Variants in GRHPR observed in about 807,000 individuals in gnomAD.
The protein encoded by GRHPR is glyoxylate reductase/hydroxypyruvate reductase.
A neutral mutation model predicts 36.8 loss-of-function variants in GRHPR; 35 were observed. That is an observed-to-expected ratio of 0.95 (90% CI 0.73 to 1.26). The LOEUF (loss-of-function observed/expected upper bound fraction) is 1.26. Ranked by LOEUF, GRHPR falls within the 50% of genes most tolerant of loss-of-function variation. GRHPR has a pLI of 0.00. For missense variants in GRHPR, 380 were observed against 435.0 expected (o/e 0.87, Z 1.12); for synonymous variants, 179 against 181.0 (o/e 0.99, Z 0.09).
At chr9:37,429,024 TC>T (rs1823224994) in intron 5 of GRHPR, 2 of 322,518 alleles carry the variant, frequency 6.2e-6, no homozygotes, top group African/African-American at 4.3e-5. Flanking sequence ...ACACTTTTCT[TC>T]CAGTGGCCCT....
Position 37,436,913 on chromosome 9 carries a change from A to G in GRHPR, c.*131A>G. ...TCTCTGAGGAAAGAGTGATTCTGAT[A>G]TATGTACTTGTCACATTGGTGTTGG... On this transcript the variant is annotated 3_prime_UTR_variant, in exon 9 of 9. Transcript: ENST00000318158. 9 of 983,936 alleles carry G rather than the reference A, an allele frequency of 9.1e-6. No homozygotes were observed. Among genetic ancestry groups the G allele is most frequent in the Non-Finnish European group, 1.5e-5 (9 of 615,112 alleles). 61.0% of individuals were successfully genotyped at this position (983,936 alleles called of 1,614,324 possible).
At chr9:37,437,582 C>T (rs565661394), downstream of GRHPR, among the ~76,000 whole-genome samples, 4 of 152,216 alleles carry the variant, frequency 2.6e-5, 1 homozygote, top group East Asian at 5.8e-4. Context: ...TTGGTCAGAA[C>T]GATTAGAGGT....
At chr9:37,436,407 G>A (rs373002221) in intron 8 of GRHPR, among the ~76,000 whole-genome samples, 1 of 152,302 alleles carries the variant, frequency 6.6e-6, no homozygotes, top group African/African-American at 2.4e-5. Context: ...ACTGCGCCCA[G>A]CCCTAGAATA....
chr9:37,432,291 AC>A, intron 8 of GRHPR, 153 bp downstream of exon 8: 3 of 715,776 alleles, frequency 4.2e-6, no homozygotes, highest in Non-Finnish European at 7.6e-6. Context: ...GTTGTCAGTG[AC>A]ATGGGTGTAT....
In GRHPR at chr9:37,435,303, C is replaced by A. The variant is rs568590308; in HGVS notation, c.866-1358C>A. On this transcript the variant is annotated intron_variant, in intron 8 of 8. Coordinates refer to ENST00000318158, the MANE Select transcript of GRHPR (RefSeq NM_012203.2). ...ATAGTCAGATGCAAATTTCTCCAAACCTATCCTGACCTTGAGTATGTAAAG... is the reference window on the plus strand; with the variant it reads ...ATAGTCAGATGCAAATTTCTCCAAAACTATCCTGACCTTGAGTATGTAAAG... 5.3e-5 allele frequency among the ~76,000 whole-genome samples: 8 copies of A among 152,240 alleles called. No homozygotes were observed. The East Asian group carries it at 1.5e-3, about 29-fold the overall frequency.
intron 8 of GRHPR, chr9:37,435,022 C>CG (rs529286388): frequency 7.9e-4 from 120 of 152,316 alleles, no homozygotes; most frequent in African/African-American, 2.8e-3. Context: ...GAGGCCAAGG[C>CG]GGGAGGATCA....
At chr9:37,423,132 GC>G (rs1822915772) in intron 1 of GRHPR, among the ~76,000 whole-genome samples, 1 of 151,972 alleles carries the variant, frequency 6.6e-6, no homozygotes, top group Non-Finnish European at 1.5e-5. Context: ...TTGGCAGGGG[GC>G]TTTGATGACT....
intron 8 of GRHPR, chr9:37,432,490 C>T (rs575240930): frequency 6.5e-5 from 21 of 322,002 alleles, no homozygotes; most frequent in Admixed American, 2.0e-4. Context: ...CCAACCTGGC[C>T]GATATGGTGA....
In GRHPR at chr9:37,428,530, C is replaced by A; in HGVS notation, c.451C>A (p.Leu151Ile). The A allele has an allele frequency of 6.2e-7, 1 of 1,612,436 alleles. No homozygotes were observed. Among genetic ancestry groups the A allele is most frequent in the Non-Finnish European group, 8.5e-7 (1 of 1,179,500 alleles). The change falls in exon 5 of 9, where the codon CTC (leucine) becomes ATC (isoleucine). Residue 151 changes from leucine (L) to isoleucine (I), a missense_variant. Leu to Ile is a conservative substitution (Grantham distance 5). Coordinates refer to ENST00000318158, the MANE Select transcript of GRHPR (RefSeq NM_012203.2). ...WKPLWLCGYG[L>I]TQSTVGIIGL... ...GCCCCTCTGGCTGTGTGGCTATGGA[C>A]TCACGCAGAGCACTGTCGGCATCAT...
chr9:37,438,545 G>A (rs1823774389), downstream of GRHPR: 1 of 152,250 alleles, frequency 6.6e-6, no homozygotes, highest in Non-Finnish European at 1.5e-5. Context: ...CTTCAGCAGA[G>A]GTAAGCGGGC....
chr9:37,439,158 T>C (rs963267200), downstream of GRHPR: 2 of 152,252 alleles, frequency 1.3e-5, no homozygotes, highest in African/African-American at 4.8e-5. Flanking sequence ...TAACCTGTGC[T>C]GTTCCCCTGG....
Position 37,434,276 on chromosome 9 carries a change from T to TG in GRHPR, c.865+2144dup, listed in dbSNP as rs547802606. 3.1e-3 allele frequency: 1,380 copies of TG among 440,306 alleles called. 16 individuals carry two copies. The highest frequency in any genetic ancestry group is 1.4e-3 in the Non-Finnish European group (347 of 248,720). 27.3% of individuals were successfully genotyped at this position (440,306 alleles called of 1,614,324 possible). A position where few individuals can be genotyped will look rare whatever the true frequency, so the allele number is the denominator to read the frequency against. ...CAGCTGATGACCCCAGTGATCCCTATGGGGGGAGCACGGATTGAGGCTGCC... is the reference window on the plus strand; with the variant it reads ...CAGCTGATGACCCCAGTGATCCCTATGGGGGGGAGCACGGATTGAGGCTGCC... On this transcript the variant is annotated intron_variant, in intron 8 of 8. Transcript: ENST00000318158.
At chr9:37,428,331 G>A (rs1823182050) in intron 4 of GRHPR, 153 bp from the exon 5 acceptor site, 1 of 606,722 alleles carries the variant, frequency 1.6e-6, no homozygotes, top group African/African-American at 1.8e-5. Context: ...CTGCTCATCT[G>A]CAGTGCCGAG....
chr9:37,434,631 C>A (rs955448898), intron 8 of GRHPR: 3 of 178,472 alleles, frequency 1.7e-5, no homozygotes. Context: ...CAGAGTGACA[C>A]GGACCTTTTG....
downstream of GRHPR, among the ~76,000 whole-genome samples, chr9:37,437,662 C>CA (rs1166906386): frequency 6.7e-6 from 1 of 148,640 alleles, no homozygotes; most frequent in African/African-American, 2.5e-5. Context: ...TCTGTCCCCC[C>CA]AGCCCCTCCC....
chr9:37,426,627 TGCC>T lies in GRHPR; in HGVS notation c.379_381del (p.Pro127del). ...CTGCTACTTACCACCTGCCGCCGGT[TGCC>T]GGAGGCCATCGAGGAAGTGAAGAAG... On this transcript the variant is annotated inframe_deletion, in exon 4 of 9. Coordinates refer to ENST00000318158, the MANE Select transcript of GRHPR (RefSeq NM_012203.2). 1 of 1,611,412 alleles carries T rather than the reference TGCC, an allele frequency of 6.2e-7. No homozygotes were observed. Among genetic ancestry groups the T allele is most frequent in the Non-Finnish European group, 8.5e-7 (1 of 1,177,550 alleles).
intron 7 of GRHPR, chr9:37,431,000 C>T (rs1334552519): frequency 4.1e-6 from 2 of 486,072 alleles, no homozygotes; most frequent in African/African-American, 3.9e-5. Flanking sequence ...CTGGAGGCCG[C>T]CTCCCACACT....
intron 8 of GRHPR, 150 bp from the exon 9 acceptor site, chr9:37,436,509 TTA>T: frequency 1.2e-6 from 1 of 824,624 alleles, no homozygotes; most frequent in East Asian, 2.5e-5. Context: ...AGTGTCAAGC[TTA>T]GTGAAGGTGG....
Position 37,426,272 on chromosome 9 carries a change from C to A in GRHPR, c.288-266C>A, listed in dbSNP as rs529490699. On this transcript the variant is annotated intron_variant, in intron 3 of 8. Coordinates refer to ENST00000318158, the MANE Select transcript of GRHPR (RefSeq NM_012203.2). ...TGAAGTAGCAAAGGCAGGTGTTATT[C>A]TTTCTGTTTCAGATGAGGAAATTCA... The A allele has an allele frequency of 8.4e-4, 505 of 601,230 alleles. 3 individuals carry two copies. Among genetic ancestry groups the A allele is most frequent in the Middle Eastern group, 1.3e-3 (3 of 2,278 alleles). The allele number at this position is 601,230 out of a possible 1,614,324, so 37.2% of individuals were successfully genotyped here. A position where few individuals can be genotyped will look rare whatever the true frequency, so the allele number is the denominator to read the frequency against.
Sources: gnomAD v4.1 joint callset for allele counts (sites outside exome capture counted in the v4.1 genomes callset) on GRCh38, gnomAD v4.1.1 for gene constraint, MANE v1.5 for transcripts, NCBI Gene and HGNC (gene_info 2026-07-23, HGNC 2026-07-21) for gene names.